CCDC91: variants seen among roughly 807,000 people sequenced by gnomAD.
CCDC91 encodes coiled-coil domain containing 91.
A neutral mutation model predicts 63.2 loss-of-function variants in CCDC91; 48 were observed. The observed-to-expected ratio is 0.76, with a 90% CI of 0.60 to 0.97. The LOEUF is 0.97. Among genes scored for constraint, CCDC91 ranks in the 50% least tolerant of loss-of-function variants. CCDC91 has a pLI of 0.00. For missense variants in CCDC91, 500 were observed against 494.6 expected (o/e 1.01, Z -0.10); for synonymous variants, 167 against 165.8 (o/e 1.01, Z -0.06).
At chr12:28,267,338 T>C (rs536912846) in intron 3 of CCDC91, among the ~76,000 whole-genome samples, 81 of 151,816 alleles carry the variant, frequency 5.3e-4, no homozygotes, top group African/African-American at 1.0e-3. Flanking sequence ...GAAGTACTTA[T>C]AGATTTTCCA....
intron 3 of CCDC91, among the ~76,000 whole-genome samples, chr12:28,260,872 A>G (rs1438407731): frequency 2.0e-5 from 3 of 151,948 alleles, no homozygotes; most frequent in African/African-American, 7.2e-5. Context: ...ATGGCTCAGG[A>G]TTTTTAGTGT....
At chr12:28,438,301 T>C (rs1949013102) in intron 8 of CCDC91, among the ~76,000 whole-genome samples, 1 of 152,106 alleles carries the variant, frequency 6.6e-6, no homozygotes, top group Non-Finnish European at 1.5e-5. Context: ...ACTAGTACTT[T>C]ACAAAAGGGC....
intron 1 of CCDC91, among the ~76,000 whole-genome samples, chr12:28,221,238 T>A (rs1943924170): frequency 6.6e-6 from 1 of 152,150 alleles, no homozygotes; most frequent in East Asian, 1.9e-4. Context: ...GTAAGTTTCA[T>A]TTGAAACTTT....
chr12:28,394,229 G>A (rs2139355135), intron 8 of CCDC91, among the ~76,000 whole-genome samples: 1 of 152,258 alleles, frequency 6.6e-6, no homozygotes, highest in Middle Eastern at 3.4e-3. Context: ...CACTTTGGGA[G>A]GCCACGGCGG....
At chr12:28,218,435 A>G (rs16932712) in intron 1 of CCDC91, among the ~76,000 whole-genome samples, 2,528 of 150,766 alleles carry the variant, frequency 0.017, 27 homozygotes, top group South Asian at 0.032. Flanking sequence ...TAAAATCACC[A>G]ATAACTCCTC....
At chr12:28,524,099 A>C (rs1229015989) in intron 12 of CCDC91, among the ~76,000 whole-genome samples, 1 of 152,042 alleles carries the variant, frequency 6.6e-6, no homozygotes, top group Non-Finnish European at 1.5e-5. Flanking sequence ...CTAACAGTGG[A>C]TCTCTCGGCC....
chr12:28,215,082 A>G (rs1258353092), intron 1 of CCDC91, among the ~76,000 whole-genome samples: 1 of 152,210 alleles, frequency 6.6e-6, no homozygotes, highest in East Asian at 1.9e-4. Flanking sequence ...GAGTAGAATG[A>G]AACAGTTGTA....
At chr12:28,526,394 C>T (rs1941266048) in intron 12 of CCDC91, among the ~76,000 whole-genome samples, 1 of 152,066 alleles carries the variant, frequency 6.6e-6, no homozygotes, top group Non-Finnish European at 1.5e-5. Context: ...AAATTCTTGG[C>T]TGATAATTGT....
At chr12:28,409,662 A>G (rs1947194743) in intron 8 of CCDC91, among the ~76,000 whole-genome samples, 1 of 152,100 alleles carries the variant, frequency 6.6e-6, no homozygotes, top group Admixed American at 6.5e-5. Context: ...CTTTTCTTCT[A>G]AAATGTAGAT....
chr12:28,259,664 G>A (rs1017645532), intron 3 of CCDC91, among the ~76,000 whole-genome samples: 9 of 151,704 alleles, frequency 5.9e-5, no homozygotes, highest in African/African-American at 2.2e-4. Flanking sequence ...ATGATATCAG[G>A]AACATTAAAT....
intron 11 of CCDC91, among the ~76,000 whole-genome samples, chr12:28,454,071 T>G (rs1949945864): frequency 6.6e-6 from 1 of 152,156 alleles, no homozygotes; most frequent in Non-Finnish European, 1.5e-5. Context: ...AATCTAAACA[T>G]GTCTTGAATA....
At chr12:28,464,648 C>T (rs1353532164) in intron 11 of CCDC91, among the ~76,000 whole-genome samples, 1 of 152,138 alleles carries the variant, frequency 6.6e-6, no homozygotes, top group Non-Finnish European at 1.5e-5. Context: ...GATTTATTCC[C>T]TGTCAACTCA....
chr12:28,335,259 T>C (rs1565815232), intron 6 of CCDC91, among the ~76,000 whole-genome samples: 1 of 137,814 alleles, frequency 7.3e-6, no homozygotes, highest in East Asian at 2.0e-4. Flanking sequence ...ATATAATACA[T>C]ATAATATATA....
At chr12:28,228,642 A>G (rs748525766) in intron 1 of CCDC91, among the ~76,000 whole-genome samples, 19 of 152,094 alleles carry the variant, frequency 1.2e-4, no homozygotes, top group Non-Finnish European at 1.2e-4. Context: ...GCCTACCTTT[A>G]ACTTTCATTT....
intron 6 of CCDC91, among the ~76,000 whole-genome samples, chr12:28,312,294 G>C (rs567613568): frequency 2.6e-5 from 4 of 151,816 alleles, no homozygotes; most frequent in Non-Finnish European, 5.9e-5. Flanking sequence ...TTCGAAATGG[G>C]AGATAATACA....
chr12:28,455,775 A>G (rs751857789), intron 11 of CCDC91, among the ~76,000 whole-genome samples: 18 of 152,038 alleles, frequency 1.2e-4, no homozygotes, highest in Non-Finnish European at 2.2e-4. Flanking sequence ...AACATTGACT[A>G]TCATTAATTC....
chr12:28,465,119 C>T (rs1950490199), intron 11 of CCDC91, among the ~76,000 whole-genome samples: 4 of 152,196 alleles, frequency 2.6e-5, no homozygotes, highest in Non-Finnish European at 1.5e-5. Flanking sequence ...GGTGAGGCTC[C>T]TCTACCTTTG....
intron 12 of CCDC91, among the ~76,000 whole-genome samples, chr12:28,523,055 T>G (rs1940888021): frequency 6.6e-6 from 1 of 152,174 alleles, no homozygotes; most frequent in Non-Finnish European, 1.5e-5. Flanking sequence ...ATTCTGTTGA[T>G]TTGGGGTGGA....
chr12:28,347,268 G>A (rs1420889775), intron 6 of CCDC91, among the ~76,000 whole-genome samples: 1 of 152,168 alleles, frequency 6.6e-6, no homozygotes, highest in Non-Finnish European at 1.5e-5. Flanking sequence ...TGGAACAATT[G>A]AGCTAAGAGA....
Sources: allele counts gnomAD v4.1 joint callset (sites outside exome capture counted in the v4.1 genomes callset), GRCh38; gene constraint gnomAD v4.1.1; transcripts MANE v1.5; gene names NCBI Gene and HGNC (gene_info 2026-07-23, HGNC 2026-07-21).